The following ZNF626 variants were observed in gnomAD, a reference collection of about 807,000 sequenced individuals.
ZNF626 encodes zinc finger protein 626.
ZNF626 carries 4 observed loss-of-function variants against 11.7 expected under a neutral mutation model. The ratio of observed to expected loss-of-function variants is 0.34; its 90% CI spans 0.17 to 0.78. The LOEUF (loss-of-function observed/expected upper bound fraction) is 0.78. Among genes scored for constraint, ZNF626 ranks in the 30% least tolerant of loss-of-function variants. The pLI is 0.57. For synonymous variants in ZNF626, 179 were observed against 198.6 expected, an observed-to-expected ratio of 0.90 and a Z score of 0.83; for missense variants, 588 against 587.1, an observed-to-expected ratio of 1.00 and a Z score of -0.01.
At chr19:20,627,341 T>C (rs535578904) in intron 3 of ZNF626, among the ~76,000 whole-genome samples, 3 of 152,144 alleles carry the variant, frequency 2.0e-5, no homozygotes, top group East Asian at 3.9e-4. Context: ...AATTTTTGTA[T>C]TCAACTGAAG....
At chr19:20,633,661 G>T (rs538734986) in intron 3 of ZNF626, among the ~76,000 whole-genome samples, 5 of 152,316 alleles carry the variant, frequency 3.3e-5, no homozygotes, top group Non-Finnish European at 7.3e-5. Context: ...TAGGGTGGGA[G>T]TGACCAAATT....
chr19:20,625,807 C>G (rs1167740491), intron 3 of ZNF626, among the ~76,000 whole-genome samples, 157 bp from the exon 4 acceptor site: 2 of 151,124 alleles, frequency 1.3e-5, no homozygotes, highest in East Asian at 3.9e-4. Flanking sequence ...ATGAATTTAA[C>G]AAAAACATAC....
chr19:20,638,039 G>A (rs1969984939), intron 3 of ZNF626, among the ~76,000 whole-genome samples: 1 of 151,942 alleles, frequency 6.6e-6, no homozygotes, highest in African/African-American at 2.4e-5. Context: ...TACTTGAGAG[G>A]CTAAAATGAG....
intron 1 of ZNF626, among the ~76,000 whole-genome samples, chr19:20,658,048 C>T (rs906097229): frequency 6.6e-6 from 1 of 151,044 alleles, no homozygotes; most frequent in African/African-American, 2.4e-5. Context: ...ACCCCCATGA[C>T]GTAATTTTAG....
intron 1 of ZNF626, among the ~76,000 whole-genome samples, chr19:20,658,503 CATCA>C (rs1284927287): frequency 6.6e-6 from 1 of 152,140 alleles, no homozygotes; most frequent in African/African-American, 2.4e-5. Flanking sequence ...CAGGGTCTGT[CATCA>C]GAACTCTTTC....
At position 20,646,423 on chromosome 19, in the gene ZNF626, A is replaced by C. The variant is rs1171847677; in HGVS notation, c.4-18T>G. 7 of 1,613,626 alleles carry C rather than the reference A, an allele frequency of 4.3e-6. No homozygotes were observed. The highest frequency in any genetic ancestry group is 5.9e-6 in the Non-Finnish European group (7 of 1,179,856). On this transcript the variant is annotated intron_variant, in intron 1 of 3. Transcript: ENST00000601440. ...AATGGTCCCTGAAAAACACACACACACACATTTTTACCAAGTGGCCATGGG... is the reference window on the plus strand; with the variant it reads ...AATGGTCCCTGAAAAACACACACACCCACATTTTTACCAAGTGGCCATGGG...
chr19:20,629,576 CTCTG>C lies in ZNF626; in HGVS notation c.227-3930_227-3927del, dbSNP rs1160932741. Among the ~76,000 whole-genome samples the C allele has an allele frequency of 5.5e-4, 84 of 152,040 alleles. 1 individual carries two copies. The East Asian group carries it at 0.016, about 29-fold the overall frequency. On this transcript the variant is annotated intron_variant, in intron 3 of 3. Transcript: ENST00000601440. Reference sequence around the variant, plus strand: ...ATGGGAGTTTACTCATGATTTGGCTCTCTGTCTGTTATTGGTATATAAGAATGCT... The same window carrying C: ...ATGGGAGTTTACTCATGATTTGGCTCTCTGTTATTGGTATATAAGAATGCT...
intron 1 of ZNF626, among the ~76,000 whole-genome samples, chr19:20,658,460 G>A (rs782732141): frequency 6.6e-6 from 1 of 152,118 alleles, no homozygotes; most frequent in Non-Finnish European, 1.5e-5. Context: ...TTTAGGAGTG[G>A]GTGGGAATCC....
chr19:20,661,402 C>G (rs181000664), intron 1 of ZNF626, 42 bp downstream of exon 1: 1 of 1,613,558 alleles, frequency 6.2e-7, no homozygotes, highest in Non-Finnish European at 8.5e-7. Context: ...CGGTTCCAAC[C>G]AGTCCCTCTC....
intron 3 of ZNF626, among the ~76,000 whole-genome samples, chr19:20,642,066 CACTT>C (rs1447134707): frequency 6.6e-6 from 1 of 152,088 alleles, no homozygotes; most frequent in Non-Finnish European, 1.5e-5. Context: ...CATGACTACT[CACTT>C]AGACAAGATA....
intron 3 of ZNF626, among the ~76,000 whole-genome samples, chr19:20,626,429 G>C (rs1969833410): frequency 6.6e-6 from 1 of 152,116 alleles, no homozygotes; most frequent in Non-Finnish European, 1.5e-5. Context: ...TTCCCAATAA[G>C]TTGTACAGGT....
At chr19:20,629,529 A>G (rs1969879034) in intron 3 of ZNF626, among the ~76,000 whole-genome samples, 1 of 152,096 alleles carries the variant, frequency 6.6e-6, no homozygotes, top group Admixed American at 6.6e-5. Context: ...TAGGTATTTT[A>G]TTCTCTTTGA....
chr19:20,643,692 C>A (rs562290373), intron 3 of ZNF626, among the ~76,000 whole-genome samples: 7 of 152,268 alleles, frequency 4.6e-5, no homozygotes, highest in African/African-American at 1.7e-4. Context: ...CCAAAAATGA[C>A]TTTATGAGAC....
intron 3 of ZNF626, among the ~76,000 whole-genome samples, chr19:20,626,770 C>A (rs1272327123): frequency 6.6e-6 from 1 of 152,002 alleles, no homozygotes; most frequent in African/African-American, 2.4e-5. Flanking sequence ...ATCGCAGCAA[C>A]TTAGGAGGCC....
rs1970146718 is a variant in ZNF626 at position 20,651,558 on chromosome 19, A to G, written c.4-5153T>C. Among the ~76,000 whole-genome samples the G allele has an allele frequency of 5.9e-5, 9 of 152,164 alleles. 1 individual carries two copies. Among genetic ancestry groups the G allele is most frequent in the Admixed American group, 5.9e-4 (9 of 15,276 alleles). ...AGACACCTCTTGTATGAGGGGATGA[A>G]CAAACAGGATGATTCATTTCTCTTA... is the stretch of plus-strand genomic sequence containing the variant. On this transcript the variant is annotated intron_variant, in intron 1 of 3. Coordinates refer to ENST00000601440, the MANE Select transcript of ZNF626 (RefSeq NM_001076675.3).
At chr19:20,634,392 A>T (rs556466312) in intron 3 of ZNF626, among the ~76,000 whole-genome samples, 5 of 152,334 alleles carry the variant, frequency 3.3e-5, no homozygotes, top group African/African-American at 1.2e-4. Flanking sequence ...TTCTTTATAG[A>T]CCACCTGTTA....
chr19:20,650,129 T>C (rs1555772424), intron 1 of ZNF626, among the ~76,000 whole-genome samples: 2 of 152,154 alleles, frequency 1.3e-5, no homozygotes, highest in African/African-American at 4.8e-5. Flanking sequence ...ACATATTACG[T>C]GATTTAATTC....
At position 20,621,911 on chromosome 19, in the gene ZNF626, A is replaced by C. The variant is rs575000105; in HGVS notation, c.*2379T>G. On this transcript the variant is annotated 3_prime_UTR_variant, in exon 4 of 4. Coordinates refer to ENST00000601440, the MANE Select transcript of ZNF626 (RefSeq NM_001076675.3). ...AAAAAATAAAATAAAATTAGGCTGGACATATTGGCTCACACCTATAATCCC... is the reference window on the plus strand; with the variant it reads ...AAAAAATAAAATAAAATTAGGCTGGCCATATTGGCTCACACCTATAATCCC... The C allele has an allele frequency of 5.6e-4, 86 of 152,320 alleles. 1 individual carries two copies. Among genetic ancestry groups the C allele is most frequent in the African/African-American group, 2.0e-3 (83 of 41,584 alleles). 9.4% of individuals were successfully genotyped at this position (152,320 alleles called of 1,614,324 possible).
intron 3 of ZNF626, among the ~76,000 whole-genome samples, chr19:20,630,938 G>T (rs1969897347): frequency 6.6e-6 from 1 of 151,604 alleles, no homozygotes; most frequent in Admixed American, 6.6e-5. Flanking sequence ...TCTACACACT[G>T]CTTTGAATGT....
Sources: allele counts gnomAD v4.1 joint callset (sites outside exome capture counted in the v4.1 genomes callset), GRCh38; gene constraint gnomAD v4.1.1; transcripts MANE v1.5; gene names NCBI Gene and HGNC (gene_info 2026-07-23, HGNC 2026-07-21).